The following MAST4 variants were observed in gnomAD, a reference collection of about 807,000 sequenced individuals.
The protein encoded by MAST4 is microtubule-associated serine/threonine-protein kinase 4.
MAST4 carries 89 observed loss-of-function variants against 162.7 expected under a neutral mutation model. The ratio of observed to expected loss-of-function variants is 0.55; its 90% CI spans 0.46 to 0.65. MAST4 has a LOEUF of 0.65. MAST4 is among the 30% of genes least tolerant of loss of function. The pLI, the probability that MAST4 is intolerant of heterozygous loss-of-function variation, is 0.00. For missense variants in MAST4, 3,153 were observed against 3,374.0 expected (o/e 0.93, Z 1.62); for synonymous variants, 1,479 against 1,361.1 (o/e 1.09, Z -1.91).
chr5:66,673,516 GTTTTTTGTTTTTTGT>G (rs1747744454), intron 1 of MAST4, among the ~76,000 whole-genome samples: 2 of 134,784 alleles, frequency 1.5e-5, no homozygotes, highest in African/African-American at 3.1e-5. Flanking sequence ...AGTTTTTTTT[GTTTTTTGTTTTTTGT>G]TTTTTTTTTT....
At chr5:66,826,175 T>C (rs1432999527) in intron 3 of MAST4, among the ~76,000 whole-genome samples, 1 of 152,162 alleles carries the variant, frequency 6.6e-6, no homozygotes, top group Non-Finnish European at 1.5e-5. Flanking sequence ...GCTGGTTTTA[T>C]TTCTTTAAAA....
intron 1 of MAST4, among the ~76,000 whole-genome samples, chr5:66,625,038 TA>T (rs11302947): frequency 0.19 from 29,505 of 152,118 alleles, 2,954 homozygotes; most frequent in Non-Finnish European, 0.22. Flanking sequence ...AATGAAGTGT[TA>T]TTTTTTTGTA....
At chr5:67,133,395 A>G in intron 16 of MAST4, 119 bp from the exon 17 acceptor site, 1 of 1,116,516 alleles carries the variant, frequency 9.0e-7, no homozygotes, top group Non-Finnish European at 1.3e-6. Context: ...TGGGTTTTGT[A>G]ATAAGCTTGA....
At chr5:66,598,826 C>T (rs1158163648) in intron 1 of MAST4, among the ~76,000 whole-genome samples, 1 of 152,178 alleles carries the variant, frequency 6.6e-6, no homozygotes, top group Non-Finnish European at 1.5e-5. Context: ...TGTCGGGGAA[C>T]TTCTGATCCC....
At chr5:66,787,907 A>G (rs1199008372) in intron 2 of MAST4, among the ~76,000 whole-genome samples, 1 of 152,238 alleles carries the variant, frequency 6.6e-6, no homozygotes, top group Non-Finnish European at 1.5e-5. Context: ...TGCTATATGA[A>G]TATTCATGTC....
chr5:66,762,072 T>C (rs966895647), intron 2 of MAST4, among the ~76,000 whole-genome samples: 7 of 152,228 alleles, frequency 4.6e-5, no homozygotes, highest in Non-Finnish European at 8.8e-5. Flanking sequence ...TGATCAGATA[T>C]ATGATCTCAA....
chr5:66,953,801 A>G (rs1330642423), intron 4 of MAST4, among the ~76,000 whole-genome samples: 2 of 152,166 alleles, frequency 1.3e-5, no homozygotes, highest in Non-Finnish European at 2.9e-5. Flanking sequence ...TTGGGGCTGG[A>G]TAATTCTTTG....
chr5:67,156,234 C>G (rs1266480899), intron 26 of MAST4, among the ~76,000 whole-genome samples: 1 of 151,958 alleles, frequency 6.6e-6, no homozygotes, highest in Non-Finnish European at 1.5e-5. Context: ...ATGAAAAAAA[C>G]AAAAGCAGAA....
chr5:66,800,553 G>C (rs560509084), intron 3 of MAST4, among the ~76,000 whole-genome samples: 3 of 152,094 alleles, frequency 2.0e-5, no homozygotes, highest in Non-Finnish European at 4.4e-5. Context: ...AGGGTGGAGG[G>C]TGGGAGGAGG....
intron 10 of MAST4, among the ~76,000 whole-genome samples, chr5:67,107,979 C>T (rs183763273): frequency 1.8e-3 from 270 of 152,308 alleles, no homozygotes; most frequent in Admixed American, 3.3e-3. Context: ...ACAAATTTCT[C>T]TTCATGGGCT....
chr5:66,965,225 C>CTTTTTTTTTTTTTT (rs1187971815), intron 4 of MAST4, among the ~76,000 whole-genome samples: 2 of 84,898 alleles, frequency 2.4e-5, no homozygotes, highest in Non-Finnish European at 2.4e-5. Context: ...TTTTTTTTTG[C>CTTTTTTTTTTTTTT]TTTTTTTTTT....
In MAST4 at chr5:67,165,389, G is replaced by A; in HGVS notation, c.6210G>A (p.Lys2070=). Residue 2070 remains lysine (K), a synonymous_variant, in exon 29 of 29, where the codon AAG becomes AAA. Coordinates refer to ENST00000403625, the MANE Select transcript of MAST4 (RefSeq NM_001164664.2). ...ACTCAGCTGGAATTCCCTGTGAGAA[G>A]GAGCTGGGCAAGGTGAGGCGTGGCG... ...SLHSAGIPCE[K]ELGKVRRGVE... The A allele has an allele frequency of 1.2e-6, 2 of 1,613,808 alleles. No homozygotes were observed. Among genetic ancestry groups the A allele is most frequent in the Non-Finnish European group, 1.7e-6 (2 of 1,179,840 alleles).
At chr5:66,784,848 A>G (rs573523700) in intron 2 of MAST4, among the ~76,000 whole-genome samples, 13 of 152,180 alleles carry the variant, frequency 8.5e-5, no homozygotes, top group Non-Finnish European at 1.5e-4. Flanking sequence ...GTAAGGTATT[A>G]TCCCCCTTTT....
At chr5:66,926,545 T>C (rs1480102317) in intron 4 of MAST4, among the ~76,000 whole-genome samples, 2 of 139,124 alleles carry the variant, frequency 1.4e-5, no homozygotes, top group Non-Finnish European at 3.3e-5. Flanking sequence ...AGACTCCATA[T>C]CTCTTTCTCT....
At chr5:66,917,598 T>TC (rs1178042996) in intron 4 of MAST4, among the ~76,000 whole-genome samples, 1 of 130,508 alleles carries the variant, frequency 7.7e-6, no homozygotes, top group Non-Finnish European at 1.9e-5. Context: ...CTCTTTCTTT[T>TC]TTTTTTTTTC....
intron 1 of MAST4, among the ~76,000 whole-genome samples, chr5:66,636,174 T>G (rs1036269797): frequency 6.6e-6 from 1 of 151,974 alleles, no homozygotes; most frequent in Non-Finnish European, 1.5e-5. Context: ...GCCAGGATGG[T>G]CTTGGTCTCT....
At chr5:66,680,821 G>C (rs1307167483) in intron 1 of MAST4, among the ~76,000 whole-genome samples, 2 of 152,158 alleles carry the variant, frequency 1.3e-5, no homozygotes, top group Non-Finnish European at 2.9e-5. Context: ...TCTTTTTATG[G>C]GCAAGATCTT....
At chr5:67,114,247 G>T in intron 12 of MAST4, 28 bp downstream of exon 12, 1 of 1,598,582 alleles carries the variant, frequency 6.3e-7, no homozygotes, top group South Asian at 1.1e-5. Flanking sequence ...TCCTACCTTT[G>T]ACTTTGCTTA....
intron 5 of MAST4, among the ~76,000 whole-genome samples, chr5:67,086,297 T>C (rs1415731936): frequency 6.6e-6 from 1 of 152,208 alleles, no homozygotes; most frequent in Non-Finnish European, 1.5e-5. Context: ...GCATAGCATA[T>C]GCCTTTTAAA....
Sources: gnomAD v4.1 joint callset for allele counts (sites outside exome capture counted in the v4.1 genomes callset) on GRCh38, gnomAD v4.1.1 for gene constraint, MANE v1.5 for transcripts, NCBI Gene and HGNC (gene_info 2026-07-23, HGNC 2026-07-21) for gene names.